MIS18BP1: variants seen among roughly 807,000 people sequenced by gnomAD.
The protein encoded by MIS18BP1 is mis18-binding protein 1.
A neutral mutation model predicts 116.1 loss-of-function variants in MIS18BP1; 72 were observed. The observed-to-expected ratio is 0.62, with a 90% CI of 0.51 to 0.75. The LOEUF (loss-of-function observed/expected upper bound fraction) is 0.75, where lower values mean the gene tolerates loss of function less well. Ranked by LOEUF, MIS18BP1 falls within the 30% of genes least tolerant of loss-of-function variation. The probability of loss-of-function intolerance (pLI) is 0.00; values close to 1 mark genes in which losing one functional copy is unlikely to be tolerated. For missense variants in MIS18BP1, 1,363 were observed against 1,303.2 expected (o/e 1.05, Z -0.71); for synonymous variants, 386 against 427.0 (o/e 0.90, Z 1.18).
In MIS18BP1 at chr14:45,242,298, A is replaced by C. The variant is rs1373592354; in HGVS notation, c.879T>G (p.Ile293Met). Residue 293 changes from isoleucine (I) to methionine (M), a missense_variant, in exon 4 of 17, where the codon ATT becomes ATG. Transcript: ENST00000310806. ...TTAACAGGCTGCCATTTTTAATAGG[A>C]ATACAATTAGTACTGAGAGTCTCAG... ...TNAETLSTNCIPIKNGSLLMV... is the reference protein window; with the variant it reads ...TNAETLSTNCMPIKNGSLLMV... 1.2e-6 allele frequency: 2 copies of C among 1,613,962 alleles called. No homozygotes were observed. The highest frequency in any genetic ancestry group is 1.7e-6 in the Non-Finnish European group (2 of 1,180,016).
chr14:45,214,106 GAA>G, intron 13 of MIS18BP1, among the ~76,000 whole-genome samples: 1 of 152,154 alleles, frequency 6.6e-6, no homozygotes, highest in Non-Finnish European at 1.5e-5. Context: ...CGTGGGAAGG[GAA>G]AGACCTTACT....
At chr14:45,233,646 T>C (rs1426808557) in intron 6 of MIS18BP1, among the ~76,000 whole-genome samples, 1 of 152,156 alleles carries the variant, frequency 6.6e-6, no homozygotes. Context: ...ATTTTGGAGA[T>C]ATATTAATAG....
intron 13 of MIS18BP1, among the ~76,000 whole-genome samples, chr14:45,216,681 T>A (rs1476796410): frequency 6.6e-6 from 1 of 152,244 alleles, no homozygotes; most frequent in African/African-American, 2.4e-5. Context: ...TACTATCACT[T>A]AATCCCTCCT....
At chr14:45,228,580 T>C (rs1891189395) in intron 8 of MIS18BP1, among the ~76,000 whole-genome samples, 1 of 152,248 alleles carries the variant, frequency 6.6e-6, no homozygotes, top group Non-Finnish European at 1.5e-5. Context: ...TTATACAGTA[T>C]ATAATATATG....
chr14:45,246,753 A>G lies in MIS18BP1; in HGVS notation c.534T>C (p.Ser178=). 2 of 1,562,490 alleles carry G rather than the reference A, an allele frequency of 1.3e-6. No individual in the cohort carries two copies. The highest frequency in any genetic ancestry group is 2.2e-5 in the East Asian group (1 of 44,546). ...ENNKSFQSDD[S]SLRASVQGVP... ...ACACATAAAACTAACCTCTTAGTGAACTGTCATCTGACTGGAATGATTTGT... is the reference window on the plus strand; with the variant it reads ...ACACATAAAACTAACCTCTTAGTGAGCTGTCATCTGACTGGAATGATTTGT... Residue 178 remains serine, a synonymous_variant, in exon 2 of 17, where the codon AGT becomes AGC. Coordinates refer to ENST00000310806, the MANE Select transcript of MIS18BP1 (RefSeq NM_018353.5).
chr14:45,207,334 T>C (rs1890545352), intron 14 of MIS18BP1, among the ~76,000 whole-genome samples: 1 of 152,232 alleles, frequency 6.6e-6, no homozygotes, highest in South Asian at 2.1e-4. Context: ...CAAACACTGC[T>C]GTATAGCAAT....
chr14:45,227,649 C>CT lies in MIS18BP1; in HGVS notation c.1746+13_1746+14insA. 1 of 1,606,390 alleles carries CT rather than the reference C, an allele frequency of 6.2e-7. No homozygotes were observed. Among genetic ancestry groups the CT allele is most frequent in the Non-Finnish European group, 8.5e-7 (1 of 1,173,840 alleles). On this transcript the variant is annotated intron_variant, in intron 9 of 16. Transcript: ENST00000310806. Reference sequence around the variant, plus strand: ...ATATCAACTTGAACTATACAGTGTACAATAAAGCCTTACCTGATTAGATAA... The same window carrying CT: ...ATATCAACTTGAACTATACAGTGTACTAATAAAGCCTTACCTGATTAGATAA...
intron 13 of MIS18BP1, among the ~76,000 whole-genome samples, chr14:45,216,539 T>C (rs548672338): frequency 3.3e-5 from 5 of 152,200 alleles, no homozygotes; most frequent in Admixed American, 3.3e-4. Flanking sequence ...GAATGAGTTG[T>C]TCATATCACA....
chr14:45,226,476 T>A (rs1230024988), intron 10 of MIS18BP1, among the ~76,000 whole-genome samples: 1 of 152,204 alleles, frequency 6.6e-6, no homozygotes, highest in African/African-American at 2.4e-5. Flanking sequence ...TGTAAGCATA[T>A]GTTAAATGAT....
intron 8 of MIS18BP1, among the ~76,000 whole-genome samples, chr14:45,230,494 T>G (rs1426920289): frequency 6.6e-6 from 1 of 152,180 alleles, no homozygotes; most frequent in Non-Finnish European, 1.5e-5. Context: ...ATATATGTCT[T>G]TACAACAGGT....
intron 5 of MIS18BP1, among the ~76,000 whole-genome samples, chr14:45,236,657 C>T (rs1313351960): frequency 6.6e-6 from 1 of 152,172 alleles, no homozygotes; most frequent in Non-Finnish European, 1.5e-5. Context: ...TACCTTAATA[C>T]AGTATTACTT....
At position 45,231,280 on chromosome 14, in the gene MIS18BP1, C is replaced by T. The variant is rs1891271132; in HGVS notation, c.1455G>A (p.Arg485=). The T allele has an allele frequency of 6.2e-7, 1 of 1,603,560 alleles. No individual in the cohort carries two copies. Among genetic ancestry groups the T allele is most frequent in the African/African-American group, 1.3e-5 (1 of 74,458 alleles). Residue 485 remains arginine (R), a synonymous_variant, in exon 8 of 17, where the codon AGG becomes AGA. Coordinates refer to ENST00000310806, the MANE Select transcript of MIS18BP1 (RefSeq NM_018353.5). Reference sequence around the variant, plus strand: ...TTTTCTGTTTTTGTTTGGTCTTTTCCCTGTTCTTTTCACCAGCCCTTTAAA... The same window carrying T: ...TTTTCTGTTTTTGTTTGGTCTTTTCTCTGTTCTTTTCACCAGCCCTTTAAA... ...LEQLRAGEKN[R]EKTKQKQKTG... is the part of the protein sequence containing the mutation.
chr14:45,242,418 T>G lies in MIS18BP1; in HGVS notation c.759A>C (p.Ser253=). ...TAGTGGTTGCAACTATACTCTCCTT[T>G]GAGTGAAAAATTTGTTTAGCCAACT... The part of the protein sequence containing the change: ...RAQLAKQIFH[S]KESIVATTKS... The change falls in exon 4 of 17, where the codon TCA becomes TCC. Residue 253 remains serine, a synonymous_variant. Coordinates refer to ENST00000310806, the MANE Select transcript of MIS18BP1 (RefSeq NM_018353.5). 6.2e-7 allele frequency: 1 copy of G among 1,613,908 alleles called. No individual in the cohort carries two copies. The highest frequency in any genetic ancestry group is 8.5e-7 in the Non-Finnish European group (1 of 1,179,944).
At chr14:45,223,095 A>C (rs538500741) in intron 11 of MIS18BP1, among the ~76,000 whole-genome samples, 1 of 152,226 alleles carries the variant, frequency 6.6e-6, no homozygotes, top group South Asian at 2.1e-4. Flanking sequence ...ACAAAACAAA[A>C]CAAAAACAAA....
Position 45,222,116 on chromosome 14 carries a change from C to T in MIS18BP1, c.2669+1802G>A, listed in dbSNP as rs141789455. On this transcript the variant is annotated intron_variant, in intron 11 of 16. Coordinates refer to ENST00000310806, the MANE Select transcript of MIS18BP1 (RefSeq NM_018353.5). ...GGTATTTTTCTATCCTTTTAACCTACCTATATCATTATATTTAAAGTGAGT... is the reference window on the plus strand; with the variant it reads ...GGTATTTTTCTATCCTTTTAACCTATCTATATCATTATATTTAAAGTGAGT... 6.6e-5 allele frequency among the ~76,000 whole-genome samples: 10 copies of T among 152,220 alleles called. 1 individual carries two copies. The highest frequency in any genetic ancestry group is 3.4e-3 in the Middle Eastern group (1 of 294).
intron 4 of MIS18BP1, among the ~76,000 whole-genome samples, chr14:45,240,324 T>C (rs1419006556): frequency 6.6e-6 from 1 of 152,136 alleles, no homozygotes; most frequent in Non-Finnish European, 1.5e-5. Context: ...GATCCTGGAA[T>C]ACAAAATATA....
At chr14:45,227,889 CTTTG>C in intron 8 of MIS18BP1, 75 bp from the exon 9 acceptor site, 1 of 1,468,092 alleles carries the variant, frequency 6.8e-7, no homozygotes, top group Non-Finnish European at 9.4e-7. Context: ...GAAGAATTAA[CTTTG>C]ACGCTAGGTG....
intron 15 of MIS18BP1, among the ~76,000 whole-genome samples, chr14:45,204,811 T>C (rs2139132117): frequency 6.6e-6 from 1 of 152,128 alleles, no homozygotes; most frequent in South Asian, 2.1e-4. Flanking sequence ...ATAAACACAA[T>C]TTATCATGAT....
intron 6 of MIS18BP1, among the ~76,000 whole-genome samples, chr14:45,235,322 C>T (rs1322702483): frequency 6.6e-6 from 1 of 151,958 alleles, no homozygotes. Flanking sequence ...GATGTTGTTC[C>T]AGGCTTATTT....
Sources: gnomAD v4.1 joint callset for allele counts (sites outside exome capture counted in the v4.1 genomes callset) on GRCh38, gnomAD v4.1.1 for gene constraint, MANE v1.5 for transcripts, NCBI Gene and HGNC (gene_info 2026-07-23, HGNC 2026-07-21) for gene names.